Variants in COX7B2 observed in about 807,000 individuals in gnomAD.
COX7B2 encodes cytochrome c oxidase subunit 7B2, mitochondrial.
For synonymous variants in COX7B2, 37 were observed against 32.1 expected, an observed-to-expected ratio of 1.15 and a Z score of -0.51; for missense variants, 109 against 95.9, an observed-to-expected ratio of 1.14 and a Z score of -0.57.
intron 2 of COX7B2, among the ~76,000 whole-genome samples, chr4:46,754,986 C>T (rs1311141130): frequency 1.3e-5 from 2 of 150,796 alleles, no homozygotes; most frequent in East Asian, 3.9e-4. Flanking sequence ...AAGGGCACAA[C>T]AACAACAACA....
chr4:46,806,249 T>A (rs920883982), intron 2 of COX7B2, among the ~76,000 whole-genome samples: 1 of 152,028 alleles, frequency 6.6e-6, no homozygotes, highest in Non-Finnish European at 1.5e-5. Flanking sequence ...TTTTAATATT[T>A]CATATTATAT....
chr4:46,888,415 T>C (rs1316055913), intron 1 of COX7B2, among the ~76,000 whole-genome samples: 1 of 152,122 alleles, frequency 6.6e-6, no homozygotes, highest in Non-Finnish European at 1.5e-5. Context: ...GTAACGGTGC[T>C]GGACAGGGGC....
intron 2 of COX7B2, among the ~76,000 whole-genome samples, chr4:46,816,403 T>C (rs1719553389): frequency 1.3e-5 from 2 of 152,200 alleles, no homozygotes; most frequent in Non-Finnish European, 2.9e-5. Flanking sequence ...GCGACCACAT[T>C]TGAAATTCCA....
chr4:46,766,023 G>A (rs1716513971), intron 2 of COX7B2, among the ~76,000 whole-genome samples: 1 of 152,090 alleles, frequency 6.6e-6, no homozygotes, highest in African/African-American at 2.4e-5. Context: ...TCCACTCAGT[G>A]GACACAGGCT....
At chr4:46,816,249 C>T (rs1719545443) in intron 2 of COX7B2, among the ~76,000 whole-genome samples, 1 of 152,134 alleles carries the variant, frequency 6.6e-6, no homozygotes, top group East Asian at 1.9e-4. Context: ...TCCTTTAAAC[C>T]TCATGAATAC....
intron 2 of COX7B2, among the ~76,000 whole-genome samples, chr4:46,829,253 GAAT>G (rs934592806): frequency 6.6e-5 from 10 of 151,958 alleles, no homozygotes; most frequent in Non-Finnish European, 1.5e-4. Flanking sequence ...CAGTTTAGTT[GAAT>G]ATTATAAAGT....
chr4:46,893,363 C>G (rs954009375), intron 1 of COX7B2, among the ~76,000 whole-genome samples: 1 of 152,178 alleles, frequency 6.6e-6, no homozygotes, highest in African/African-American at 2.4e-5. Flanking sequence ...AAGTTATACC[C>G]TTTGTACATA....
chr4:46,769,853 A>G (rs1716771283), intron 2 of COX7B2, among the ~76,000 whole-genome samples: 1 of 152,212 alleles, frequency 6.6e-6, no homozygotes, highest in East Asian at 1.9e-4. Flanking sequence ...TCGAAAAAAT[A>G]AAGACCATAT....
chr4:46,795,112 T>G (rs975475000), intron 2 of COX7B2, among the ~76,000 whole-genome samples: 2 of 138,076 alleles, frequency 1.4e-5, no homozygotes, highest in African/African-American at 6.2e-5. Flanking sequence ...CTTTGTCAGA[T>G]GAGTAGGTTG....
chr4:46,791,962 A>T (rs953747688), intron 2 of COX7B2, among the ~76,000 whole-genome samples: 2 of 152,192 alleles, frequency 1.3e-5, no homozygotes, highest in Non-Finnish European at 2.9e-5. Flanking sequence ...AAATGAGATA[A>T]CATAGGTAAA....
chr4:46,877,305 G>A (rs148015561), intron 1 of COX7B2, among the ~76,000 whole-genome samples: 205 of 152,240 alleles, frequency 1.3e-3, no homozygotes, highest in African/African-American at 3.2e-3. Context: ...GGACATCTGC[G>A]TCCAAAACCA....
At chr4:46,816,499 A>G (rs886802555) in intron 2 of COX7B2, among the ~76,000 whole-genome samples, 3 of 152,194 alleles carry the variant, frequency 2.0e-5, no homozygotes, top group African/African-American at 7.2e-5. Flanking sequence ...ATTCTGTATT[A>G]TAGTTATTTA....
chr4:46,903,226 C>T (rs766015719), intron 1 of COX7B2, among the ~76,000 whole-genome samples: 4 of 152,128 alleles, frequency 2.6e-5, no homozygotes, highest in South Asian at 2.1e-4. Context: ...TGAGCTACAC[C>T]TTGAAAATGT....
chr4:46,831,062 C>A (rs535254416), intron 2 of COX7B2, among the ~76,000 whole-genome samples: 1 of 152,204 alleles, frequency 6.6e-6, no homozygotes, highest in Non-Finnish European at 1.5e-5. Flanking sequence ...GGCGGGAACC[C>A]GGGCTGCACA....
chr4:46,864,811 A>C (rs1022104886), intron 1 of COX7B2, among the ~76,000 whole-genome samples: 1 of 151,920 alleles, frequency 6.6e-6, no homozygotes, highest in Admixed American at 6.6e-5. Flanking sequence ...CGCCCGGCTA[A>C]TTTTTTGTAT....
At chr4:46,797,092 T>TAAAAAA (rs762801656) in intron 2 of COX7B2, among the ~76,000 whole-genome samples, 17 of 62,554 alleles carry the variant, frequency 2.7e-4, no homozygotes, top group African/African-American at 9.0e-4. Context: ...TAGAGTATAA[T>TAAAAAA]AAAAAAAAAA....
At chr4:46,859,353 A>G (rs1717205263) in intron 1 of COX7B2, among the ~76,000 whole-genome samples, 1 of 152,204 alleles carries the variant, frequency 6.6e-6, no homozygotes. Flanking sequence ...TCCTATTGAA[A>G]GGAGCACAGA....
At chr4:46,861,236 T>C (rs1226698850) in intron 1 of COX7B2, among the ~76,000 whole-genome samples, 1 of 152,212 alleles carries the variant, frequency 6.6e-6, no homozygotes, top group East Asian at 1.9e-4. Flanking sequence ...TTCTGTTTGC[T>C]GGTGAATGCA....
At chr4:46,882,183 T>C (rs143081112) in intron 1 of COX7B2, among the ~76,000 whole-genome samples, 5 of 152,326 alleles carry the variant, frequency 3.3e-5, no homozygotes, top group East Asian at 3.9e-4. Context: ...TTGGTTCTTT[T>C]ACATTTGCTG....
Sources: gnomAD v4.1 joint callset for allele counts (sites outside exome capture counted in the v4.1 genomes callset) on GRCh38, gnomAD v4.1.1 for gene constraint, MANE v1.5 for transcripts, NCBI Gene and HGNC (gene_info 2026-07-23, HGNC 2026-07-21) for gene names.